Variants in SMC5 observed in about 807,000 individuals in gnomAD.
SMC5 encodes the protein structural maintenance of chromosomes protein 5.
In SMC5, 88 loss-of-function variants were observed where a neutral mutation model predicts 148.3. The ratio of observed to expected loss-of-function variants is 0.59; its 90% CI spans 0.50 to 0.71. The LOEUF is 0.71. SMC5 is among the 30% of genes least tolerant of loss of function. SMC5 has a pLI of 0.00. For missense variants in SMC5, 1,142 were observed against 1,298.9 expected (o/e 0.88, Z 1.86); for synonymous variants, 421 against 432.8 (o/e 0.97, Z 0.34).
At chr9:70,301,535 T>G (rs909404501) in intron 10 of SMC5, among the ~76,000 whole-genome samples, 3 of 152,204 alleles carry the variant, frequency 2.0e-5, no homozygotes, top group African/African-American at 7.2e-5. Flanking sequence ...ATATGCAAAC[T>G]TAAAATTTTA....
chr9:70,340,088 G>C (rs777547669), intron 17 of SMC5, among the ~76,000 whole-genome samples: 3 of 152,098 alleles, frequency 2.0e-5, no homozygotes, highest in Non-Finnish European at 4.4e-5. Context: ...AAGATGCCTA[G>C]TGTGCTGCTT....
At chr9:70,265,667 G>T (rs575999765) in intron 2 of SMC5, among the ~76,000 whole-genome samples, 1 of 151,810 alleles carries the variant, frequency 6.6e-6, no homozygotes, top group East Asian at 1.9e-4. Context: ...AGAGTGAAAG[G>T]ATGAAAAAAA....
intron 17 of SMC5, among the ~76,000 whole-genome samples, chr9:70,328,327 C>A (rs1027306577): frequency 6.6e-6 from 1 of 152,158 alleles, no homozygotes; most frequent in African/African-American, 2.4e-5. Context: ...ACCTATGAAC[C>A]TGTAAAATCA....
intron 1 of SMC5, among the ~76,000 whole-genome samples, chr9:70,262,680 T>A (rs146401323): frequency 6.6e-6 from 1 of 152,272 alleles, no homozygotes; most frequent in Non-Finnish European, 1.5e-5. Context: ...ATAGAGGTCA[T>A]CTGGACTGCT....
At position 70,309,429 on chromosome 9, in the gene SMC5, C is replaced by T. The variant is rs767202939; in HGVS notation, c.1578+4069C>T. ...TGCTGGAATTATAGGCATGAGCCACCGCGCCCAGCCTAGAACTTCTTTCAA... is the reference window on the plus strand; with the variant it reads ...TGCTGGAATTATAGGCATGAGCCACTGCGCCCAGCCTAGAACTTCTTTCAA... On this transcript the variant is annotated intron_variant, in intron 11 of 24. Transcript: ENST00000361138. Among the ~76,000 whole-genome samples the T allele has an allele frequency of 1.6e-4, 23 of 146,766 alleles. No homozygotes were observed. In the Middle Eastern group the frequency reaches 0.011, roughly 69 times the overall value.
intron 1 of SMC5, among the ~76,000 whole-genome samples, chr9:70,261,920 A>G (rs776501982): frequency 6.6e-6 from 1 of 152,352 alleles, no homozygotes; most frequent in Middle Eastern, 3.4e-3. Flanking sequence ...AGCCCACTGC[A>G]TTTAGCAATT....
intron 17 of SMC5, among the ~76,000 whole-genome samples, chr9:70,328,915 C>G (rs901117585): frequency 6.6e-6 from 1 of 152,226 alleles, no homozygotes; most frequent in Non-Finnish European, 1.5e-5. Context: ...TTCTGCACAC[C>G]CACAGGACCA....
intron 20 of SMC5, 98 bp downstream of exon 20, chr9:70,347,259 T>G: frequency 1.1e-6 from 1 of 877,686 alleles, no homozygotes; most frequent in Non-Finnish European, 1.8e-6. Context: ...AGTACTTGCC[T>G]CCCACTCTGT....
chr9:70,340,837 A>T (rs902892453), intron 17 of SMC5, among the ~76,000 whole-genome samples: 1 of 152,124 alleles, frequency 6.6e-6, no homozygotes, highest in East Asian at 1.9e-4. Context: ...TACAATTTCC[A>T]TGAGAAGTGA....
At chr9:70,346,740 T>A in intron 19 of SMC5, 91 bp downstream of exon 19, 1 of 1,325,446 alleles carries the variant, frequency 7.5e-7, no homozygotes, top group Non-Finnish European at 1.1e-6. Flanking sequence ...GGAGATGAAT[T>A]CTAGGCCTTT....
rs902290621 is a variant in SMC5 at position 70,291,034 on chromosome 9, A to G, written c.1053+4763A>G. Among the ~76,000 whole-genome samples the G allele has an allele frequency of 2.6e-5, 4 of 151,934 alleles. No individual in the cohort carries two copies. The South Asian group carries it at 8.3e-4, about 32-fold the overall frequency. On this transcript the variant is annotated intron_variant, in intron 8 of 24. Transcript: ENST00000361138. ...ACAGTTTAAGTAACATACTCTAGCA[A>G]CTCTGGAAGTCAGTCCCATTCCCCT...
chr9:70,294,477 T>C (rs773585347), intron 8 of SMC5, among the ~76,000 whole-genome samples: 4 of 152,184 alleles, frequency 2.6e-5, no homozygotes, highest in African/African-American at 4.8e-5. Context: ...AAGGGATCTT[T>C]CCAAGGGAGT....
intron 20 of SMC5, among the ~76,000 whole-genome samples, 162 bp from the exon 21 acceptor site, chr9:70,347,450 TA>T (rs1289313545): frequency 3.3e-5 from 5 of 152,232 alleles, no homozygotes; most frequent in Non-Finnish European, 7.3e-5. Context: ...TTTTCAAGGA[TA>T]AAAAATGTCA....
chr9:70,270,666 T>TG (rs2034422167), intron 3 of SMC5, among the ~76,000 whole-genome samples: 1 of 134,096 alleles, frequency 7.5e-6, no homozygotes, highest in Non-Finnish European at 1.6e-5. Flanking sequence ...TTTTTTTTTT[T>TG]GGGACGGAGT....
chr9:70,310,178 A>G (rs1390687944), intron 11 of SMC5, among the ~76,000 whole-genome samples: 1 of 152,102 alleles, frequency 6.6e-6, no homozygotes, highest in Non-Finnish European at 1.5e-5. Flanking sequence ...CTTTTTGTTT[A>G]CTTTGCCCAG....
In SMC5 at chr9:70,259,229, G is replaced by C; in HGVS notation, c.151G>C (p.Gly51Arg). 1 of 1,601,858 alleles carries C rather than the reference G, an allele frequency of 6.2e-7. No homozygotes were observed. Among genetic ancestry groups the C allele is most frequent in the Non-Finnish European group, 8.5e-7 (1 of 1,173,850 alleles). The change falls in exon 1 of 25, where the codon GGC becomes CGC. Residue 51 changes from glycine (G) to arginine (R), a missense_variant. Coordinates refer to ENST00000361138, the MANE Select transcript of SMC5 (RefSeq NM_015110.4). ...GCAGTCGTCCGGGCCTTTCGTGGAA[G>C]GCTCTATCGTCCGCATCTCGATGGA... The part of the protein sequence containing the change: ...LLQSSGPFVE[G>R]SIVRISMENF...
At chr9:70,309,526 G>T (rs193254370) in intron 11 of SMC5, among the ~76,000 whole-genome samples, 1 of 151,926 alleles carries the variant, frequency 6.6e-6, no homozygotes, top group African/African-American at 2.4e-5. Context: ...TAAATCATTT[G>T]TTGTAATTTC....
In SMC5 at chr9:70,286,203, A is replaced by T; in HGVS notation, c.985A>T (p.Thr329Ser). The T allele has an allele frequency of 6.5e-7, 1 of 1,535,740 alleles. No individual in the cohort carries two copies. The highest frequency in any genetic ancestry group is 2.5e-5 in the East Asian group (1 of 39,414). ...TCTCCCCGGTTTAATTTTACAGGCA[A>T]CAGATATTAAGGAGGCATCTCAAAA... is the stretch of plus-strand genomic sequence containing the variant. ...NLEARIKEKA[T>S]DIKEASQKCK... Residue 329 changes from threonine (T) to serine (S), a missense_variant, in exon 8 of 25, where the codon ACA becomes TCA. Thr to Ser is a moderately conservative substitution (Grantham distance 58). Around this residue, in one of 5 missense-constraint regions of SMC5, gnomAD observed 743 missense variants for 835.7 expected, o/e 0.89. Coordinates refer to ENST00000361138, the MANE Select transcript of SMC5 (RefSeq NM_015110.4).
chr9:70,328,585 C>T (rs2036145226), intron 17 of SMC5, among the ~76,000 whole-genome samples: 1 of 152,190 alleles, frequency 6.6e-6, no homozygotes. Flanking sequence ...TGTGGCTCGG[C>T]AGGGTTCAGC....
Sources: gnomAD v4.1 joint callset for allele counts (sites outside exome capture counted in the v4.1 genomes callset) on GRCh38, gnomAD v4.1.1 for gene constraint, gnomAD v4.1.1 regional missense constraint, MANE v1.5 for transcripts, NCBI Gene and HGNC (gene_info 2026-07-23, HGNC 2026-07-21) for gene names.